Variants in GRIA1 observed in about 807,000 individuals in gnomAD.
GRIA1 encodes the protein glutamate ionotropic receptor AMPA type subunit 1.
A neutral mutation model predicts 99.2 loss-of-function variants in GRIA1; 31 were observed. The ratio of observed to expected loss-of-function variants is 0.31; its 90% CI spans 0.23 to 0.42. GRIA1 has a LOEUF of 0.42. Among genes scored for constraint, GRIA1 ranks in the 10% least tolerant of loss-of-function variants. The pLI is 1.00. For missense variants in GRIA1, 782 were observed against 1,157.5 expected (o/e 0.68, Z 4.71); for synonymous variants, 438 against 432.4 (o/e 1.01, Z -0.16).
At chr5:153,490,652 G>T (rs1371422553), upstream of GRIA1, 3 of 572,246 alleles carry the variant, frequency 5.2e-6, no homozygotes, top group Non-Finnish European at 9.4e-6. Flanking sequence ...ATGAGGACGG[G>T]CTTCTTTTCC....
intron 2 of GRIA1, among the ~76,000 whole-genome samples, chr5:153,527,353 G>C (rs1163396238): frequency 2.0e-5 from 3 of 152,140 alleles, no homozygotes; most frequent in Admixed American, 6.6e-5. Context: ...ATCATATTAG[G>C]CAGAACTCTT....
intron 2 of GRIA1, among the ~76,000 whole-genome samples, chr5:153,616,468 TA>T (rs11410968): frequency 0.011 from 1,580 of 147,760 alleles, 26 homozygotes; most frequent in African/African-American, 0.037. Context: ...AATGATGAGC[TA>T]AAAAAAAAAA....
intron 13 of GRIA1, among the ~76,000 whole-genome samples, chr5:153,787,961 T>A (rs927390973): frequency 2.0e-5 from 3 of 152,016 alleles, no homozygotes; most frequent in Admixed American, 6.6e-5. Flanking sequence ...GCGCCTGTAG[T>A]CCCAGCTACT....
chr5:153,738,758 T>C (rs957610528), intron 11 of GRIA1, among the ~76,000 whole-genome samples: 3 of 136,874 alleles, frequency 2.2e-5, no homozygotes, highest in Admixed American at 7.7e-5. Context: ...ATTTCGCTCT[T>C]GTTGCCCAGG....
chr5:153,611,188 T>G (rs567432954), intron 2 of GRIA1, among the ~76,000 whole-genome samples: 1 of 152,364 alleles, frequency 6.6e-6, no homozygotes, highest in South Asian at 2.1e-4. Flanking sequence ...ATGACTGAAC[T>G]ATGATGACCT....
At chr5:153,803,355 G>A (rs1226409845) in intron 15 of GRIA1, among the ~76,000 whole-genome samples, 1 of 152,164 alleles carries the variant, frequency 6.6e-6, no homozygotes, top group African/African-American at 2.4e-5. Context: ...TCAACATTTA[G>A]CTTCAGTAAG....
chr5:153,632,794 A>C (rs1753074286), intron 2 of GRIA1, among the ~76,000 whole-genome samples: 1 of 152,236 alleles, frequency 6.6e-6, no homozygotes, highest in Non-Finnish European at 1.5e-5. Flanking sequence ...AGAAGTTCAC[A>C]GTCTGATGAA....
At chr5:153,695,317 C>T (rs900647388) in intron 8 of GRIA1, among the ~76,000 whole-genome samples, 1 of 152,160 alleles carries the variant, frequency 6.6e-6, no homozygotes, top group South Asian at 2.1e-4. Context: ...TAATATACTA[C>T]CAGAGTGCTT....
At chr5:153,649,288 T>C (rs1754374698) in intron 3 of GRIA1, among the ~76,000 whole-genome samples, 1 of 152,190 alleles carries the variant, frequency 6.6e-6, no homozygotes, top group Admixed American at 6.5e-5. Context: ...AGCCAGTAAG[T>C]GTGTGATAAC....
At chr5:153,617,431 G>T (rs778831) in intron 2 of GRIA1, among the ~76,000 whole-genome samples, 5 of 152,174 alleles carry the variant, frequency 3.3e-5, no homozygotes, top group African/African-American at 1.2e-4. Context: ...TCTTTTTGGG[G>T]AAGATTTCTA....
intron 2 of GRIA1, among the ~76,000 whole-genome samples, chr5:153,609,264 T>G (rs1458048935): frequency 6.6e-6 from 1 of 152,222 alleles, no homozygotes; most frequent in Non-Finnish European, 1.5e-5. Flanking sequence ...CTGCTATTCT[T>G]TGCTCTTTTG....
At chr5:153,541,241 A>G (rs934850235) in intron 2 of GRIA1, among the ~76,000 whole-genome samples, 25 of 152,202 alleles carry the variant, frequency 1.6e-4, no homozygotes, top group African/African-American at 6.0e-4. Context: ...TGCTGAGTAG[A>G]CATGAGCTTT....
chr5:153,787,916 T>A (rs1447224242), intron 13 of GRIA1, among the ~76,000 whole-genome samples: 1 of 151,834 alleles, frequency 6.6e-6, no homozygotes, highest in East Asian at 1.9e-4. Flanking sequence ...CCGTCTCTAC[T>A]AAAAATACAA....
At position 153,515,684 on chromosome 5, in the gene GRIA1, C is replaced by A. The variant is rs1309992445; in HGVS notation, c.220+21619C>A. ...CGTTAATTAGCCTGATTTGTTCATG[C>A]CACAATGTATATGTCTATCAAAAGA... On this transcript the variant is annotated intron_variant, in intron 2 of 15. Coordinates refer to ENST00000285900, the MANE Select transcript of GRIA1 (RefSeq NM_000827.4). Among the ~76,000 whole-genome samples the A allele has an allele frequency of 5.9e-5, 9 of 152,196 alleles. No individual in the cohort carries two copies. The South Asian group carries it at 1.9e-3, about 32-fold the overall frequency.
At chr5:153,649,418 C>G (rs991010238) in intron 3 of GRIA1, among the ~76,000 whole-genome samples, 2 of 149,628 alleles carry the variant, frequency 1.3e-5, no homozygotes, top group Non-Finnish European at 3.0e-5. Context: ...TAGTTTAATT[C>G]AGGACACATT....
intron 2 of GRIA1, among the ~76,000 whole-genome samples, chr5:153,602,599 A>T (rs1169891937): frequency 2.6e-5 from 4 of 152,214 alleles, no homozygotes; most frequent in Non-Finnish European, 4.4e-5. Flanking sequence ...TTAGACAGCA[A>T]TGTTCTATTC....
intron 2 of GRIA1, among the ~76,000 whole-genome samples, chr5:153,519,860 A>G (rs780293141): frequency 2.0e-4 from 30 of 152,202 alleles, no homozygotes; most frequent in Admixed American, 1.1e-3. Flanking sequence ...TTTTCAAGGC[A>G]TGTTTATATT....
intron 2 of GRIA1, among the ~76,000 whole-genome samples, chr5:153,641,453 C>A (rs1236075878): frequency 6.6e-6 from 1 of 152,110 alleles, no homozygotes; most frequent in Non-Finnish European, 1.5e-5. Flanking sequence ...GGACAGCCCA[C>A]GCCATGCAGT....
chr5:153,609,274 G>A lies in GRIA1; in HGVS notation c.221-37654G>A, dbSNP rs1461975348. On this transcript the variant is annotated intron_variant, in intron 2 of 15. Coordinates refer to ENST00000285900, the MANE Select transcript of GRIA1 (RefSeq NM_000827.4). ...CAGCCCTGCTATTCTTTGCTCTTTT[G>A]TTAGCTCTCCTACATCTTCAAGTAG... 8.5e-5 allele frequency among the ~76,000 whole-genome samples: 13 copies of A among 152,116 alleles called. 1 individual carries two copies. The East Asian group carries it at 2.5e-3, about 29-fold the overall frequency.
Sources: allele counts gnomAD v4.1 joint callset (sites outside exome capture counted in the v4.1 genomes callset), GRCh38; gene constraint gnomAD v4.1.1; transcripts MANE v1.5; gene names NCBI Gene and HGNC (gene_info 2026-07-23, HGNC 2026-07-21).